DEPDC5: variants seen among roughly 807,000 people sequenced by gnomAD.
DEPDC5 encodes the protein GATOR1 complex protein DEPDC5.
A neutral mutation model predicts 217.3 loss-of-function variants in DEPDC5; 73 were observed. The observed-to-expected ratio is 0.34, with a 90% CI of 0.28 to 0.41. DEPDC5 has a LOEUF of 0.41. Among genes scored for constraint, DEPDC5 ranks in the 10% least tolerant of loss-of-function variants. The pLI is 1.00. For missense variants in DEPDC5, 1,675 were observed against 2,070.1 expected, an observed-to-expected ratio of 0.81 and a Z score of 3.70; for synonymous variants, 733 against 756.7, an observed-to-expected ratio of 0.97 and a Z score of 0.51.
chr22:31,857,562 AGCC>A lies in DEPDC5; in HGVS notation c.3264+12_3264+14del. On this transcript the variant is annotated intron_variant, in intron 32 of 42. Coordinates refer to ENST00000651528, the MANE Select transcript of DEPDC5 (RefSeq NM_001242896.3). Reference sequence around the variant, plus strand: ...TGGACAGCCCACGAAAGGTAAAGGAAGCCGCGGTAGCAGGGAGCTGTTCTGTGC... The same window carrying A: ...TGGACAGCCCACGAAAGGTAAAGGAAGCGGTAGCAGGGAGCTGTTCTGTGC... The A allele has an allele frequency of 6.2e-7, 1 of 1,600,192 alleles. No homozygotes were observed. The highest frequency in any genetic ancestry group is 8.5e-7 in the Non-Finnish European group (1 of 1,172,630).
At chr22:31,794,692 C>T (rs1417066326) in intron 12 of DEPDC5, among the ~76,000 whole-genome samples, 3 of 152,198 alleles carry the variant, frequency 2.0e-5, no homozygotes, top group South Asian at 4.1e-4. Context: ...TGAAACCAGC[C>T]AGTGCACCAT....
At chr22:31,863,495 A>C (rs1232704873) in intron 33 of DEPDC5, among the ~76,000 whole-genome samples, 1 of 152,126 alleles carries the variant, frequency 6.6e-6, no homozygotes, top group African/African-American at 2.4e-5. Flanking sequence ...GGAGACTGTT[A>C]TGGAAAGTTT....
At chr22:31,879,489 G>C (rs773960858) in intron 37 of DEPDC5, 36 bp from the exon 38 acceptor site, 1 of 1,582,642 alleles carries the variant, frequency 6.3e-7, no homozygotes, top group Non-Finnish European at 8.6e-7. Flanking sequence ...AAGCATTTGT[G>C]TTGAGTACTC....
At chr22:31,829,188 T>C (rs970924241) in intron 24 of DEPDC5, among the ~76,000 whole-genome samples, 6 of 152,188 alleles carry the variant, frequency 3.9e-5, no homozygotes, top group Non-Finnish European at 8.8e-5. Flanking sequence ...GTCCTTGTTT[T>C]GGGACAAGGT....
In DEPDC5 at chr22:31,821,529, A is replaced by G. The variant is rs1064794610; in HGVS notation, c.1898A>G (p.His633Arg). 1.2e-5 allele frequency: 19 copies of G among 1,614,086 alleles called. No homozygotes were observed. Among genetic ancestry groups the G allele is most frequent in the Non-Finnish European group, 1.6e-5 (19 of 1,180,038 alleles). ...CCATCCGGAGAAGCCATCCAGATCC[A>G]CCACCAGACCCGACAGAATATGGCG... ...VGPSGEAIQI[H>R]HQTRQNMAEL... is the part of the protein sequence containing the mutation. Residue 633 changes from histidine to arginine, a missense_variant, in exon 23 of 43, where the codon CAC becomes CGC. Physicochemically the swap from His to Arg is conservative, Grantham distance 29 (BLOSUM62 0). Transcript: ENST00000651528.
At chr22:31,885,253 T>G (rs1398452331) in intron 38 of DEPDC5, among the ~76,000 whole-genome samples, 2 of 152,214 alleles carry the variant, frequency 1.3e-5, no homozygotes, top group Non-Finnish European at 2.9e-5. Flanking sequence ...ATTCTCTGCC[T>G]TGTCCCCTGT....
chr22:31,851,016 C>T (rs5998143), intron 31 of DEPDC5, among the ~76,000 whole-genome samples: 19,635 of 150,546 alleles, frequency 0.13, 1,746 homozygotes, highest in African/African-American at 0.25. Flanking sequence ...TGCAGTGAGC[C>T]GAGATTGCGC....
chr22:31,855,004 G>A (rs554906347), intron 31 of DEPDC5, among the ~76,000 whole-genome samples: 3 of 146,358 alleles, frequency 2.0e-5, no homozygotes, highest in South Asian at 2.1e-4. Context: ...TTGTTGTGTC[G>A]CCCAGGCTGC....
chr22:31,865,783 C>G (rs576274207), intron 33 of DEPDC5, among the ~76,000 whole-genome samples: 1 of 152,324 alleles, frequency 6.6e-6, no homozygotes, highest in African/African-American at 2.4e-5. Context: ...ATTCCCCTTC[C>G]CTAATCTTAA....
intron 8 of DEPDC5, among the ~76,000 whole-genome samples, chr22:31,779,368 C>T (rs2084193572): frequency 6.6e-6 from 1 of 152,146 alleles, no homozygotes; most frequent in African/African-American, 2.4e-5. Flanking sequence ...TGCTTTCCTG[C>T]AAAGGTGTCT....
At chr22:31,791,439 C>T (rs1601867819) in intron 10 of DEPDC5, among the ~76,000 whole-genome samples, 1 of 150,086 alleles carries the variant, frequency 6.7e-6, no homozygotes, top group African/African-American at 2.5e-5. Flanking sequence ...GAGTTCGAGA[C>T]CAGCCTGGCC....
intron 14 of DEPDC5, among the ~76,000 whole-genome samples, chr22:31,799,131 A>C (rs1214109262): frequency 1.4e-5 from 2 of 145,476 alleles, no homozygotes; most frequent in African/African-American, 5.1e-5. Flanking sequence ...GAAACCTCCC[A>C]CTCCTGGGTT....
rs763682569 is a variant in DEPDC5 at position 31,906,086 on chromosome 22, G to A, written c.4519+20G>A. On this transcript the variant is annotated intron_variant, in intron 42 of 42. Coordinates refer to ENST00000651528, the MANE Select transcript of DEPDC5 (RefSeq NM_001242896.3). The surrounding 1 kb of genome is among the most constrained non-coding windows in gnomAD (Gnocchi z 5.1). ...TTACAGGTGAGGAGCTACGGGCAGA[G>A]TTGGGCAGGTGGGTCCACATCCCTT... 11 of 1,614,078 alleles carry A rather than the reference G, an allele frequency of 6.8e-6. No individual in the cohort carries two copies. Among genetic ancestry groups the A allele is most frequent in the Middle Eastern group, 3.3e-4 (2 of 6,062 alleles).
chr22:31,850,927 G>T (rs998036523), intron 31 of DEPDC5, among the ~76,000 whole-genome samples: 1 of 152,134 alleles, frequency 6.6e-6, no homozygotes, highest in African/African-American at 2.4e-5. Context: ...AAATTAGCTG[G>T]CATGGTGGCA....
chr22:31,873,606 TGGGATTTTTTTAAAA>T (rs1353722018), intron 35 of DEPDC5, among the ~76,000 whole-genome samples: 3 of 151,616 alleles, frequency 2.0e-5, no homozygotes, highest in African/African-American at 7.3e-5. Flanking sequence ...TGCCTCAAGA[TGGGATTTTTTTAAAA>T]GGGATTTTTT....
chr22:31,779,052 T>G (rs1270146014), intron 8 of DEPDC5, among the ~76,000 whole-genome samples: 1 of 152,136 alleles, frequency 6.6e-6, no homozygotes, highest in Non-Finnish European at 1.5e-5. Flanking sequence ...GTGGGATGGT[T>G]AGCAGCATCC....
At position 31,798,545 on chromosome 22, in the gene DEPDC5, T is replaced by C. The variant is rs140755521; in HGVS notation, c.872-37T>C. ...ATTAAAAAAAAAAGTTCATGTTTCA[T>C]GAGATGTTTTTCTTTCTCTTGCATA... On this transcript the variant is annotated intron_variant, in intron 13 of 42. Transcript: ENST00000651528. 7.5e-5 allele frequency: 116 copies of C among 1,547,468 alleles called. 2 individuals carry two copies. In the African/African-American group the frequency reaches 1.1e-3, roughly 15 times the overall value.
chr22:31,891,922 C>T (rs1319129303), intron 38 of DEPDC5, among the ~76,000 whole-genome samples: 1 of 152,184 alleles, frequency 6.6e-6, no homozygotes, highest in Non-Finnish European at 1.5e-5. Context: ...AACATCCTAT[C>T]TTGAGTTGGT....
chr22:31,756,163 A>T (rs953789940), intron 2 of DEPDC5, among the ~76,000 whole-genome samples: 3 of 151,856 alleles, frequency 2.0e-5, no homozygotes, highest in Admixed American at 2.0e-4. Context: ...GATTACAGGC[A>T]AGAGCCACCG....
Sources: allele counts gnomAD v4.1 joint callset (sites outside exome capture counted in the v4.1 genomes callset), GRCh38; gene constraint gnomAD v4.1.1; non-coding constraint Gnocchi (gnomAD v3.1); transcripts MANE v1.5; gene names NCBI Gene and HGNC (gene_info 2026-07-23, HGNC 2026-07-21).